AFF4: variants seen among roughly 807,000 people sequenced by gnomAD.
AFF4 encodes the protein ALF transcription elongation factor 4.
AFF4 carries 13 observed loss-of-function variants against 124.8 expected under a neutral mutation model. That is an observed-to-expected ratio of 0.10 (90% CI 0.07 to 0.17). AFF4 has a LOEUF of 0.17. AFF4 is among the 10% of genes least tolerant of loss of function. The probability of loss-of-function intolerance (pLI) is 1.00; values close to 1 mark genes in which losing one functional copy is unlikely to be tolerated. For synonymous variants in AFF4, 477 were observed against 496.1 expected (o/e 0.96, Z 0.51); for missense variants, 1,092 against 1,403.8 (o/e 0.78, Z 3.55).
At chr5:132,946,051 ACT>A (rs1761690796) in intron 1 of AFF4, among the ~76,000 whole-genome samples, 1 of 152,102 alleles carries the variant, frequency 6.6e-6, no homozygotes, top group Non-Finnish European at 1.5e-5. Flanking sequence ...CAAGAGCAAA[ACT>A]CTGTCTCAAA....
intron 1 of AFF4, among the ~76,000 whole-genome samples, chr5:132,958,465 C>CAAAAAAA (rs34337170): frequency 7.2e-5 from 4 of 55,702 alleles, no homozygotes; most frequent in Admixed American, 2.7e-4. Flanking sequence ...GACCCTGTCT[C>CAAAAAAA]AAAAAAAAAA....
At chr5:132,917,519 G>C (rs910309104) in intron 5 of AFF4, among the ~76,000 whole-genome samples, 13 of 152,046 alleles carry the variant, frequency 8.6e-5, no homozygotes, top group Admixed American at 7.2e-4. Flanking sequence ...TCTACCTAGT[G>C]CAATAAAGCA....
intron 4 of AFF4, among the ~76,000 whole-genome samples, chr5:132,930,382 TA>T (rs1236068554): frequency 4.0e-5 from 6 of 151,750 alleles, no homozygotes; most frequent in Admixed American, 1.3e-4. Flanking sequence ...CAATGAAGCA[TA>T]AAAACAGTCA....
chr5:132,898,416 T>C (rs1368290837), intron 9 of AFF4, 24 bp from the exon 10 acceptor site: 4 of 1,599,784 alleles, frequency 2.5e-6, no homozygotes, highest in Non-Finnish European at 3.4e-6. Flanking sequence ...AATATACAAA[T>C]GTCCAAAGTT....
rs186251731 is a variant in AFF4, at chr5:132,879,683, G to A, written c.*1376C>T. On this transcript the variant is annotated 3_prime_UTR_variant, in exon 21 of 21. Transcript: ENST00000265343. ...GGGCATGAAAAATAAAGTATAGAGGGTACATTTCTTATCTTAGACTTCTAT... is the reference window on the plus strand; with the variant it reads ...GGGCATGAAAAATAAAGTATAGAGGATACATTTCTTATCTTAGACTTCTAT... 1 of 210,366 alleles carries A rather than the reference G, an allele frequency of 4.8e-6. No individual in the cohort carries two copies. The highest frequency in any genetic ancestry group is 9.7e-6 in the Non-Finnish European group (1 of 103,504). The allele number at this position is 210,366 out of a possible 1,614,324, so 13.0% of individuals were successfully genotyped here.
At chr5:132,956,881 A>G (rs1478651706) in intron 1 of AFF4, among the ~76,000 whole-genome samples, 1 of 150,770 alleles carries the variant, frequency 6.6e-6, no homozygotes, top group Non-Finnish European at 1.5e-5. Context: ...TTGGCCGGGC[A>G]TGGTGGCAGG....
intron 4 of AFF4, among the ~76,000 whole-genome samples, chr5:132,928,896 T>G (rs1761240178): frequency 6.6e-6 from 1 of 152,150 alleles, no homozygotes; most frequent in African/African-American, 2.4e-5. Flanking sequence ...ATGCTTTGAT[T>G]TTTAATAGAA....
chr5:132,943,716 TG>T, intron 1 of AFF4: 1 of 282,110 alleles, frequency 3.5e-6, no homozygotes, highest in Non-Finnish European at 7.1e-6. Context: ...ATGTTCATCA[TG>T]GCAATGTTGC....
intron 10 of AFF4, among the ~76,000 whole-genome samples, chr5:132,897,489 A>C (rs996301783): frequency 6.6e-6 from 1 of 152,174 alleles, no homozygotes; most frequent in Non-Finnish European, 1.5e-5. Context: ...AGGTGGGCGG[A>C]TCATGAGATC....
At chr5:132,941,274 G>A (rs1324444076) in intron 1 of AFF4, among the ~76,000 whole-genome samples, 2 of 151,938 alleles carry the variant, frequency 1.3e-5, no homozygotes, top group African/African-American at 2.4e-5. Flanking sequence ...TTTGTCAAAC[G>A]GGCAAAACTA....
chr5:132,905,441 G>A (rs1760650858), intron 5 of AFF4, among the ~76,000 whole-genome samples: 1 of 152,184 alleles, frequency 6.6e-6, no homozygotes, highest in Non-Finnish European at 1.5e-5. Flanking sequence ...TTACAGAATT[G>A]TCTGTGAAAG....
intron 19 of AFF4, among the ~76,000 whole-genome samples, chr5:132,884,078 C>T (rs952992886): frequency 2.6e-5 from 4 of 152,100 alleles, no homozygotes; most frequent in Non-Finnish European, 4.4e-5. Flanking sequence ...CTGTAATCAC[C>T]CCAAGCTTCC....
intron 2 of AFF4, among the ~76,000 whole-genome samples, chr5:132,936,391 A>G (rs1371889920): frequency 2.0e-5 from 3 of 152,162 alleles, no homozygotes; most frequent in Non-Finnish European, 4.4e-5. Flanking sequence ...TTAGAAGCAG[A>G]AACAAAAATT....
At chr5:132,887,246 G>A (rs577383155) in intron 17 of AFF4, among the ~76,000 whole-genome samples, 1 of 152,328 alleles carries the variant, frequency 6.6e-6, no homozygotes, top group Non-Finnish European at 1.5e-5. Flanking sequence ...ACCAAATGAA[G>A]AGTGTGGAAA....
At chr5:132,905,084 A>T (rs1054788831) in intron 5 of AFF4, among the ~76,000 whole-genome samples, 1 of 150,462 alleles carries the variant, frequency 6.6e-6, no homozygotes, top group African/African-American at 2.4e-5. Flanking sequence ...ACTTTTATGG[A>T]CTAAAAAAAT....
chr5:132,931,621 A>G (rs1024907868), intron 4 of AFF4, among the ~76,000 whole-genome samples: 2 of 152,252 alleles, frequency 1.3e-5, no homozygotes, highest in African/African-American at 4.8e-5. Flanking sequence ...AATGTTTTCC[A>G]GGCAAAGTAA....
chr5:132,915,377 C>T (rs1444843866), intron 5 of AFF4, among the ~76,000 whole-genome samples: 3 of 151,702 alleles, frequency 2.0e-5, no homozygotes, highest in Non-Finnish European at 4.4e-5. Context: ...CATTTCTATA[C>T]ACACTATTCC....
At chr5:132,929,347 C>G (rs974266762) in intron 4 of AFF4, among the ~76,000 whole-genome samples, 1 of 152,096 alleles carries the variant, frequency 6.6e-6, no homozygotes, top group Non-Finnish European at 1.5e-5. Context: ...CAAGCCCCTG[C>G]ACATATAAAA....
chr5:132,942,716 G>A (rs1319384390), intron 1 of AFF4, among the ~76,000 whole-genome samples: 1 of 152,242 alleles, frequency 6.6e-6, no homozygotes, highest in South Asian at 2.1e-4. Context: ...CACCCACCTC[G>A]GCCTCCCAAG....
Sources: gnomAD v4.1 joint callset for allele counts (sites outside exome capture counted in the v4.1 genomes callset) on GRCh38, gnomAD v4.1.1 for gene constraint, MANE v1.5 for transcripts, NCBI Gene and HGNC (gene_info 2026-07-23, HGNC 2026-07-21) for gene names.